Variants in INSL6 observed in about 807,000 individuals in gnomAD.
INSL6 encodes the protein insulin like 6, also known as insulin-like peptide INSL6.
In INSL6, 16 loss-of-function variants were observed where a neutral mutation model predicts 9.4. That is an observed-to-expected ratio of 1.70 (90% CI 1.15 to 2.59). INSL6 has a LOEUF of 2.59. INSL6 is among the 30% of genes most tolerant of loss of function. The pLI, the probability that INSL6 is intolerant of heterozygous loss-of-function variation, is 0.00. For synonymous variants in INSL6, 154 were observed against 96.9 expected, an observed-to-expected ratio of 1.59 and a Z score of -3.46; for missense variants, 391 against 257.3, an observed-to-expected ratio of 1.52 and a Z score of -3.56.
chr9:5,124,629 G>C (rs1823855488), intron 3 of INSL6, among the ~76,000 whole-genome samples: 1 of 151,804 alleles, frequency 6.6e-6, no homozygotes, highest in Non-Finnish European at 1.5e-5. Flanking sequence ...AACAAAGCTG[G>C]AAGCATCACA....
chr9:5,105,272 A>G, the INSL6 span, among the ~76,000 whole-genome samples: 1 of 152,206 alleles, frequency 6.6e-6, no homozygotes, highest in Admixed American at 6.5e-5. Context: ...ATAACAGACA[A>G]ACATACAGCC....
the INSL6 span, among the ~76,000 whole-genome samples, chr9:5,002,712 A>G: frequency 6.6e-6 from 1 of 151,966 alleles, no homozygotes; most frequent in South Asian, 2.1e-4. Context: ...ATTCCTGAGA[A>G]ATGAGTATTG....
At chr9:4,993,676 G>A in the INSL6 span, among the ~76,000 whole-genome samples, 1 of 152,252 alleles carries the variant, frequency 6.6e-6, no homozygotes, top group African/African-American at 2.4e-5. Flanking sequence ...AGGGCTCTTA[G>A]GCTCCCATGA....
chr9:5,029,711 C>G, the INSL6 span: 1 of 1,348,178 alleles, frequency 7.4e-7, no homozygotes, highest in Non-Finnish European at 1.0e-6. Context: ...AGCTTCATTT[C>G]AAATTATAGG....
chr9:5,074,774 C>G, the INSL6 span, among the ~76,000 whole-genome samples: 1 of 152,180 alleles, frequency 6.6e-6, no homozygotes, highest in Non-Finnish European at 1.5e-5. Context: ...AAGCAGCAAA[C>G]GCTGATGTGG....
At chr9:5,041,431 C>G in the INSL6 span, 1 of 626,788 alleles carries the variant, frequency 1.6e-6, no homozygotes, top group Non-Finnish European at 3.0e-6. Flanking sequence ...TGTTCATGTA[C>G]TTCCTGTGCA....
chr9:5,071,361 C>T, the INSL6 span, among the ~76,000 whole-genome samples: 1 of 152,054 alleles, frequency 6.6e-6, no homozygotes, highest in Non-Finnish European at 1.5e-5. Context: ...ACTCCAGGAA[C>T]TTCCTATCAC....
chr9:5,021,710 C>T, the INSL6 span, among the ~76,000 whole-genome samples: 2 of 152,154 alleles, frequency 1.3e-5, no homozygotes, highest in African/African-American at 2.4e-5. Context: ...GCTGCAGCCT[C>T]ATCCTCCCAG....
chr9:5,050,936 G>A, the INSL6 span: 1 of 900,930 alleles, frequency 1.1e-6, no homozygotes, highest in Non-Finnish European at 1.7e-6. Context: ...TGTAATACTA[G>A]TTAAGTACTC....
the INSL6 span, among the ~76,000 whole-genome samples, chr9:5,039,284 T>C: frequency 6.6e-6 from 1 of 152,108 alleles, no homozygotes; most frequent in African/African-American, 2.4e-5. Context: ...TGAAAATACT[T>C]GGAAAAAAAG....
intron 1 of INSL6, among the ~76,000 whole-genome samples, chr9:5,175,570 A>C (rs958919896): frequency 3.3e-5 from 5 of 152,322 alleles, no homozygotes; most frequent in African/African-American, 9.6e-5. Context: ...GTTAGGAACC[A>C]GGCCACATGG....
chr9:5,108,192 A>AT, the INSL6 span: 1 of 152,116 alleles, frequency 6.6e-6, no homozygotes, highest in African/African-American at 2.4e-5. Flanking sequence ...ACCCCCACAA[A>AT]AAAGCTCTAT....
chr9:5,042,567 GA>G, the INSL6 span, among the ~76,000 whole-genome samples: 1 of 152,080 alleles, frequency 6.6e-6, no homozygotes, highest in African/African-American at 2.4e-5. Flanking sequence ...TTGCTGAAGT[GA>G]GTAGTGGGAT....
the INSL6 span, among the ~76,000 whole-genome samples, chr9:4,996,550 G>A: frequency 6.6e-6 from 1 of 151,776 alleles, no homozygotes; most frequent in Non-Finnish European, 1.5e-5. Flanking sequence ...AAATACATGA[G>A]GTATTGTAGA....
intron 1 of INSL6, among the ~76,000 whole-genome samples, chr9:5,181,826 A>G (rs1291779585): frequency 1.3e-5 from 2 of 152,250 alleles, no homozygotes. Context: ...CAAAAGGTTA[A>G]CATGTATATG....
chr9:5,126,525 A>G (rs1387112718), intron 3 of INSL6: 4 of 1,062,724 alleles, frequency 3.8e-6, no homozygotes, highest in Non-Finnish European at 5.7e-6. Flanking sequence ...CACTTCCTGA[A>G]ATTTAATGTG....
the INSL6 span, chr9:5,097,613 T>C: frequency 6.6e-6 from 1 of 150,396 alleles, no homozygotes; most frequent in South Asian, 2.1e-4. Context: ...CCTACTGGCA[T>C]CAAGGTCTTT....
At chr9:5,027,807 A>G in the INSL6 span, among the ~76,000 whole-genome samples, 1 of 152,198 alleles carries the variant, frequency 6.6e-6, no homozygotes, top group Admixed American at 6.5e-5. Context: ...ATAAAAAGCA[A>G]TTCCTTATAT....
intron 3 of INSL6, among the ~76,000 whole-genome samples, chr9:5,124,807 GT>G (rs1050025621): frequency 6.6e-5 from 10 of 150,816 alleles, no homozygotes; most frequent in Admixed American, 2.7e-4. Context: ...ATACATTCAA[GT>G]TTTTTTTTAA....
Sources: allele counts gnomAD v4.1 joint callset (sites outside exome capture counted in the v4.1 genomes callset), GRCh38; gene constraint gnomAD v4.1.1; transcripts MANE v1.5; gene names NCBI Gene and HGNC (gene_info 2026-07-23, HGNC 2026-07-21).